Variants in FADS2 observed in about 807,000 individuals in gnomAD.
FADS2 encodes fatty acid desaturase 2, also known as acyl-CoA 6-desaturase.
Under a neutral mutation model 61.2 loss-of-function variants are expected in FADS2, and 18 were observed. The ratio of observed to expected loss-of-function variants is 0.29; its 90% CI spans 0.20 to 0.44. FADS2 has a LOEUF of 0.44. Among genes scored for constraint, FADS2 ranks in the 20% least tolerant of loss-of-function variants. FADS2 has a pLI of 1.00. For missense variants in FADS2, 322 were observed against 572.7 expected (o/e 0.56, Z 4.47); for synonymous variants, 203 against 223.9 (o/e 0.91, Z 0.83).
At position 61,830,291 on chromosome 11, in the gene FADS2, C is replaced by T. The variant is rs1399025291; in HGVS notation, c.207+1694C>T. On this transcript the variant is annotated intron_variant, in intron 1 of 11. Coordinates refer to ENST00000278840, the MANE Select transcript of FADS2 (RefSeq NM_004265.4). ...AGTTTCCAGAAGGAAAAGTCAAATA[C>T]GATGAATTTGGTCTGATTATTCCAC... 2.0e-5 allele frequency among the ~76,000 whole-genome samples: 3 copies of T among 152,222 alleles called. No homozygotes were observed. In the South Asian group the frequency reaches 6.2e-4, roughly 31 times the overall value.
intron 5 of FADS2, chr11:61,855,056 G>C (rs1337362268): frequency 6.6e-6 from 1 of 152,398 alleles, no homozygotes; most frequent in African/African-American, 2.4e-5. Flanking sequence ...TGAGAACAGG[G>C]TGCCTACTGT....
At chr11:61,861,362 A>AC (rs1222573115) in intron 7 of FADS2, among the ~76,000 whole-genome samples, 2 of 143,378 alleles carry the variant, frequency 1.4e-5, no homozygotes, top group African/African-American at 2.6e-5. Context: ...TCAAAAAAAA[A>AC]AAAAAAAAAC....
At chr11:61,848,442 G>A (rs536835787) in intron 5 of FADS2, among the ~76,000 whole-genome samples, 158 bp downstream of exon 5, 1 of 152,312 alleles carries the variant, frequency 6.6e-6, no homozygotes, top group East Asian at 1.9e-4. Flanking sequence ...TGTTGACCTA[G>A]GAAGTGTTTG....
At chr11:61,831,129 G>A (rs2067125090) in intron 1 of FADS2, among the ~76,000 whole-genome samples, 1 of 152,072 alleles carries the variant, frequency 6.6e-6, no homozygotes, top group Non-Finnish European at 1.5e-5. Context: ...GGACCAGGTT[G>A]GAAAAAGGCC....
chr11:61,863,406 G>A, intron 9 of FADS2, 28 bp downstream of exon 9: 1 of 1,516,280 alleles, frequency 6.6e-7, no homozygotes, highest in Non-Finnish European at 9.2e-7. Context: ...GGTCACCAGA[G>A]CCTGGTCCCA....
chr11:61,841,780 G>T (rs1272564263), intron 4 of FADS2, among the ~76,000 whole-genome samples: 1 of 152,118 alleles, frequency 6.6e-6, no homozygotes, highest in Non-Finnish European at 1.5e-5. Flanking sequence ...AAAAGTAAAA[G>T]TCATCCTATA....
intron 2 of FADS2, among the ~76,000 whole-genome samples, chr11:61,839,696 A>G (rs174582): frequency 0.18 from 26,943 of 152,196 alleles, 2,766 homozygotes; most frequent in Admixed American, 0.27. Context: ...TTATGTAACC[A>G]TCACCACCAT....
chr11:61,848,665 G>A (rs2067281179), intron 5 of FADS2: 1 of 184,612 alleles, frequency 5.4e-6, no homozygotes, highest in Non-Finnish European at 1.1e-5. Context: ...GCATTTTCTG[G>A]CTTGTTTTTT....
At chr11:61,841,727 T>C (rs901661026) in intron 4 of FADS2, among the ~76,000 whole-genome samples, 1 of 152,128 alleles carries the variant, frequency 6.6e-6, no homozygotes, top group Non-Finnish European at 1.5e-5. Context: ...GAGTCTTTTA[T>C]CTCAAGCCAC....
chr11:61,857,084 C>T lies in FADS2; in HGVS notation c.805+13C>T, dbSNP rs372502673. 171 of 1,612,086 alleles carry T rather than the reference C, an allele frequency of 1.1e-4. No individual in the cohort carries two copies. Among genetic ancestry groups the T allele is most frequent in the Admixed American group, 1.3e-4 (8 of 59,992 alleles). Reference sequence around the variant, plus strand: ...TACTTCTTCCTGAGTGAGTGCTCGGCGCCCCGAAATCACTCTGGGACCCTC... The same window carrying T: ...TACTTCTTCCTGAGTGAGTGCTCGGTGCCCCGAAATCACTCTGGGACCCTC... On this transcript the variant is annotated intron_variant, in intron 6 of 11. Transcript: ENST00000278840.
At chr11:61,861,087 G>A (rs1452189122) in intron 7 of FADS2, among the ~76,000 whole-genome samples, 1 of 151,898 alleles carries the variant, frequency 6.6e-6, no homozygotes, top group African/African-American at 2.4e-5. Flanking sequence ...AGACACAGTG[G>A]CTCATGCCTG....
intron 4 of FADS2, among the ~76,000 whole-genome samples, chr11:61,842,278 C>T (rs174583): frequency 0.35 from 53,677 of 152,194 alleles, 10,272 homozygotes; most frequent in East Asian, 0.55. Context: ...GAGCCTGAAG[C>T]GGCCTGAGAA....
intron 7 of FADS2, among the ~76,000 whole-genome samples, chr11:61,858,731 G>A (rs906015970): frequency 2.0e-5 from 3 of 150,378 alleles, no homozygotes; most frequent in Admixed American, 6.6e-5. Context: ...GAGTACAGGC[G>A]CCGGCCACCA....
upstream of FADS2, among the ~76,000 whole-genome samples, chr11:61,823,610 C>T (rs1464340298): frequency 1.3e-5 from 2 of 152,160 alleles, no homozygotes; most frequent in African/African-American, 2.4e-5. Flanking sequence ...TCCACCTCTG[C>T]GGTTCAAGCA....
At chr11:61,840,766 C>G in intron 4 of FADS2, 41 bp downstream of exon 4, 1 of 1,424,162 alleles carries the variant, frequency 7.0e-7, no homozygotes, top group Non-Finnish European at 9.9e-7. Context: ...TGTTGGACAG[C>G]AGTTGAGACA....
intron 7 of FADS2, among the ~76,000 whole-genome samples, chr11:61,859,151 G>A (rs984905366): frequency 6.6e-6 from 1 of 152,090 alleles, no homozygotes; most frequent in Non-Finnish European, 1.5e-5. Flanking sequence ...TCTGCCTCCT[G>A]GGTTCGAGTA....
intron 4 of FADS2, chr11:61,847,855 A>G: frequency 2.7e-6 from 1 of 364,852 alleles, no homozygotes; most frequent in Non-Finnish European, 5.3e-6. Context: ...AGAGGCAGAG[A>G]CTGGCTGCCA....
At chr11:61,834,225 G>A (rs994879407) in intron 1 of FADS2, among the ~76,000 whole-genome samples, 1 of 152,236 alleles carries the variant, frequency 6.6e-6, no homozygotes, top group Admixed American at 6.5e-5. Context: ...TGCTCGGAAA[G>A]CTGCCACACT....
At chr11:61,826,454 TGCTCCGA>T, upstream of FADS2, 1 of 508,242 alleles carries the variant, frequency 2.0e-6, no homozygotes, top group Non-Finnish European at 3.6e-6. Flanking sequence ...TATCACTCCC[TGCTCCGA>T]GCTCCACACC....
Sources: allele counts gnomAD v4.1 joint callset (sites outside exome capture counted in the v4.1 genomes callset), GRCh38; gene constraint gnomAD v4.1.1; transcripts MANE v1.5; gene names NCBI Gene and HGNC (gene_info 2026-07-23, HGNC 2026-07-21).